Variants in LPP observed in about 807,000 individuals in gnomAD.
LPP encodes the protein LIM domain containing preferred translocation partner in lipoma.
In LPP, 38 loss-of-function variants were observed where a neutral mutation model predicts 60.4. The ratio of observed to expected loss-of-function variants is 0.63; its 90% CI spans 0.49 to 0.83. The LOEUF is 0.83. Among genes scored for constraint, LPP ranks in the 40% least tolerant of loss-of-function variants. The pLI is 0.00. For synonymous variants in LPP, 328 were observed against 290.8 expected (o/e 1.13, Z -1.30); for missense variants, 902 against 783.6 (o/e 1.15, Z -1.80).
At chr3:188,837,382 C>CATAATAATAATA (rs57174980) in intron 9 of LPP, among the ~76,000 whole-genome samples, 3,203 of 140,328 alleles carry the variant, frequency 0.023, 62 homozygotes, top group Middle Eastern at 0.038. Flanking sequence ...CCATCTCAAA[C>CATAATAATAATA]ATAATAATAA....
chr3:188,662,567 C>T (rs1854828298), intron 7 of LPP, among the ~76,000 whole-genome samples: 1 of 152,180 alleles, frequency 6.6e-6, no homozygotes, highest in East Asian at 1.9e-4. Context: ...TTTGGACTTA[C>T]TGTTTAAATT....
intron 7 of LPP, among the ~76,000 whole-genome samples, chr3:188,681,692 G>A (rs957368421): frequency 3.3e-5 from 5 of 152,196 alleles, no homozygotes; most frequent in African/African-American, 1.2e-4. Context: ...GAAGGAAATC[G>A]TGTAATTGCA....
chr3:188,240,354 T>C (rs1723770423), intron 2 of LPP, among the ~76,000 whole-genome samples: 1 of 144,898 alleles, frequency 6.9e-6, no homozygotes, highest in African/African-American at 2.8e-5. Context: ...TGTGTGTGTG[T>C]GTGTGTGTGT....
chr3:188,322,516 A>C (rs1174774480), intron 2 of LPP, among the ~76,000 whole-genome samples: 1 of 152,166 alleles, frequency 6.6e-6, no homozygotes, highest in Non-Finnish European at 1.5e-5. Flanking sequence ...CTCTTATAGA[A>C]TCTATGATGG....
intron 8 of LPP, among the ~76,000 whole-genome samples, chr3:188,737,482 G>C (rs142942581): frequency 6.6e-6 from 1 of 152,170 alleles, no homozygotes; most frequent in African/African-American, 2.4e-5. Flanking sequence ...TTAGAACTCC[G>C]CTCCATTGAT....
chr3:188,251,928 A>G (rs961547878), intron 2 of LPP, among the ~76,000 whole-genome samples: 1 of 150,014 alleles, frequency 6.7e-6, no homozygotes, highest in African/African-American at 2.4e-5. Context: ...CCAAAACTAA[A>G]CCAAAAGAAG....
intron 3 of LPP, among the ~76,000 whole-genome samples, chr3:188,378,266 A>C (rs1775799113): frequency 1.3e-5 from 2 of 152,198 alleles, no homozygotes; most frequent in South Asian, 2.1e-4. Context: ...TGCAGAGGTT[A>C]CTGCTGTCTT....
chr3:188,666,873 C>T (rs1855901002), intron 7 of LPP, among the ~76,000 whole-genome samples: 1 of 152,212 alleles, frequency 6.6e-6, no homozygotes, highest in African/African-American at 2.4e-5. Flanking sequence ...GCCTTACTGT[C>T]TTCCACCTAC....
At chr3:188,690,281 A>G (rs557425215) in intron 7 of LPP, among the ~76,000 whole-genome samples, 18 of 152,278 alleles carry the variant, frequency 1.2e-4, no homozygotes, top group African/African-American at 4.1e-4. Context: ...GCTATGTGAC[A>G]TGTCAGTATT....
At chr3:188,213,050 G>C (rs984491205) in intron 1 of LPP, 1 of 152,114 alleles carries the variant, frequency 6.6e-6, no homozygotes, top group Non-Finnish European at 1.5e-5. Flanking sequence ...TTAAAAAGTA[G>C]GTATTTCCTC....
intron 2 of LPP, among the ~76,000 whole-genome samples, chr3:188,330,859 GTAAA>G (rs57059911): frequency 0.77 from 114,239 of 149,280 alleles, 45,380 homozygotes; most frequent in Non-Finnish European, 0.89. Flanking sequence ...AAGTAAGTAA[GTAAA>G]TAAATAAATA....
intron 9 of LPP, among the ~76,000 whole-genome samples, chr3:188,765,944 C>T (rs1733957229): frequency 7.1e-6 from 1 of 140,372 alleles, no homozygotes; most frequent in African/African-American, 2.7e-5. Context: ...GATCTTGGCT[C>T]ACTGCAATCT....
chr3:188,168,475 G>T (rs891088508), intron 1 of LPP, among the ~76,000 whole-genome samples: 1 of 152,050 alleles, frequency 6.6e-6, no homozygotes, highest in Non-Finnish European at 1.5e-5. Flanking sequence ...TGGTCACCTG[G>T]TTCTTCAGTT....
At chr3:188,635,128 A>G (rs1464648937) in intron 7 of LPP, among the ~76,000 whole-genome samples, 2 of 152,186 alleles carry the variant, frequency 1.3e-5, no homozygotes, top group Non-Finnish European at 2.9e-5. Flanking sequence ...TCCATGTTTA[A>G]ATTATATTAT....
intron 7 of LPP, among the ~76,000 whole-genome samples, chr3:188,630,389 C>G (rs888881711): frequency 2.0e-5 from 3 of 152,020 alleles, no homozygotes; most frequent in Admixed American, 2.0e-4. Flanking sequence ...AATCATTAGA[C>G]AAATGCAAAT....
rs568105213 is a variant in LPP at position 188,379,090 on chromosome 3, C to CT, written c.-9-27011dup. On this transcript the variant is annotated intron_variant, in intron 3 of 11. Transcript: ENST00000617246. ...GGCCAAGATAAGGACCATTTTCTTT[C>CT]TTTTTTTTTTTCTTCCTAATTTGCA... Among the ~76,000 whole-genome samples the CT allele has an allele frequency of 1.1e-3, 163 of 147,036 alleles. 1 individual carries two copies. The highest frequency in any genetic ancestry group is 1.3e-3 in the Non-Finnish European group (86 of 66,248).
chr3:188,337,549 A>G (rs1333930799), intron 2 of LPP, among the ~76,000 whole-genome samples: 1 of 152,092 alleles, frequency 6.6e-6, no homozygotes, highest in Non-Finnish European at 1.5e-5. Context: ...TTTTGTTTCT[A>G]TTCTCTATGT....
chr3:188,684,173 G>C (rs1012075174), intron 7 of LPP, among the ~76,000 whole-genome samples: 2 of 152,174 alleles, frequency 1.3e-5, no homozygotes, highest in Non-Finnish European at 2.9e-5. Flanking sequence ...TTAAATGTTT[G>C]CATATTTTTA....
intron 8 of LPP, among the ~76,000 whole-genome samples, chr3:188,739,174 C>A (rs1002914001): frequency 2.0e-5 from 3 of 151,888 alleles, no homozygotes; most frequent in African/African-American, 4.8e-5. Context: ...GGGGGGTATA[C>A]AGAAAGGCTT....
Sources: gnomAD v4.1 joint callset for allele counts (sites outside exome capture counted in the v4.1 genomes callset) on GRCh38, gnomAD v4.1.1 for gene constraint, MANE v1.5 for transcripts, NCBI Gene and HGNC (gene_info 2026-07-23, HGNC 2026-07-21) for gene names.